The following RBFOX1 variants were observed in gnomAD, a reference collection of about 807,000 sequenced individuals.
RBFOX1 encodes the protein RNA binding fox-1 homolog 1.
In RBFOX1, 8 loss-of-function variants were observed where a neutral mutation model predicts 57.7. That is an observed-to-expected ratio of 0.14 (90% CI 0.08 to 0.25). The LOEUF (loss-of-function observed/expected upper bound fraction) is 0.25, where lower values mean the gene tolerates loss of function less well. Ranked by LOEUF, RBFOX1 falls within the 10% of genes least tolerant of loss-of-function variation. The pLI is 1.00. For synonymous variants in RBFOX1, 326 were observed against 222.4 expected, an observed-to-expected ratio of 1.47 and a Z score of -4.15; for missense variants, 611 against 548.5, an observed-to-expected ratio of 1.11 and a Z score of -1.14.
intron 2 of RBFOX1, among the ~76,000 whole-genome samples, chr16:5,472,116 G>A (rs1333710116): frequency 1.3e-5 from 2 of 152,040 alleles, no homozygotes; most frequent in African/African-American, 2.4e-5. Context: ...CAGAAAACGG[G>A]GTGAGAATCT....
intron 3 of RBFOX1, among the ~76,000 whole-genome samples, chr16:6,767,947 T>TAATAAAGAAGAAG (rs1410744665): frequency 9.9e-6 from 1 of 101,048 alleles, no homozygotes; most frequent in African/African-American, 4.3e-5. Flanking sequence ...ATAATAATAA[T>TAATAAAGAAGAAG]AAGAAGAAGA....
chr16:5,961,747 C>G (rs1039971917), intron 4 of RBFOX1, among the ~76,000 whole-genome samples: 2 of 152,114 alleles, frequency 1.3e-5, no homozygotes, highest in African/African-American at 4.8e-5. Flanking sequence ...AGGCTGGTCT[C>G]AAACTCCCGG....
At chr16:7,107,732 G>C (rs918961658) in intron 4 of RBFOX1, among the ~76,000 whole-genome samples, 1 of 152,052 alleles carries the variant, frequency 6.6e-6, no homozygotes, top group Non-Finnish European at 1.5e-5. Context: ...TCATAGAGGA[G>C]GTGGAGTTAC....
intron 1 of RBFOX1, among the ~76,000 whole-genome samples, chr16:6,024,360 C>T (rs2095144744): frequency 6.6e-6 from 1 of 152,028 alleles, no homozygotes; most frequent in Admixed American, 6.6e-5. Flanking sequence ...AAAAGGGTTC[C>T]AAAAATTATA....
Position 5,323,822 on chromosome 16 carries a change from A to C in RBFOX1, c.219+83717A>C, listed in dbSNP as rs542245399. 2.6e-5 allele frequency among the ~76,000 whole-genome samples: 4 copies of C among 152,352 alleles called. No individual in the cohort carries two copies. The South Asian group carries it at 6.2e-4, about 24-fold the overall frequency. On this transcript the variant is annotated intron_variant, in intron 1 of 2. Transcript: ENST00000585867. ...TGCCCATCACCAGGGTTCTGTGCCA[A>C]CTGGCTGAGTGTCCCTGTAACATAG...
At chr16:7,207,096 C>A (rs536235911) in intron 4 of RBFOX1, among the ~76,000 whole-genome samples, 15 of 152,178 alleles carry the variant, frequency 9.9e-5, no homozygotes, top group Non-Finnish European at 2.2e-4. Flanking sequence ...CAGTTGGTAA[C>A]TGAGGCTTCA....
chr16:5,554,456 C>G (rs1023135230), intron 2 of RBFOX1, among the ~76,000 whole-genome samples: 1 of 152,008 alleles, frequency 6.6e-6, no homozygotes, highest in African/African-American at 2.4e-5. Context: ...TAAAAAGTAT[C>G]TAAGAGTAAA....
intron 2 of RBFOX1, among the ~76,000 whole-genome samples, chr16:6,641,778 A>AGG (rs1568006199): frequency 3.1e-5 from 1 of 31,786 alleles, no homozygotes; most frequent in Non-Finnish European, 5.8e-5. Context: ...AAAAAAAAAA[A>AGG]TAGGTTCTGC....
intron 11 of RBFOX1, among the ~76,000 whole-genome samples, chr16:7,638,686 C>G (rs1050806264): frequency 2.0e-5 from 3 of 152,234 alleles, no homozygotes; most frequent in Admixed American, 1.3e-4. Flanking sequence ...CGACTCAACT[C>G]TTGTTATAGC....
chr16:6,491,333 C>G (rs953287588), intron 2 of RBFOX1, among the ~76,000 whole-genome samples: 1 of 151,916 alleles, frequency 6.6e-6, no homozygotes, highest in Admixed American at 6.6e-5. Flanking sequence ...TAAGGTGAGC[C>G]TCCTTTTAGA....
At chr16:5,408,429 A>C (rs1021839846) in intron 1 of RBFOX1, among the ~76,000 whole-genome samples, 2 of 152,138 alleles carry the variant, frequency 1.3e-5, no homozygotes, top group Non-Finnish European at 2.9e-5. Flanking sequence ...ATAGAGTCTG[A>C]GCTATTCAGA....
chr16:5,662,120 C>T (rs1212571460), intron 3 of RBFOX1, among the ~76,000 whole-genome samples: 1 of 152,080 alleles, frequency 6.6e-6, no homozygotes, highest in Non-Finnish European at 1.5e-5. Context: ...AAAGTTTGGA[C>T]CCTTTGACAA....
At chr16:6,294,311 T>G (rs2077825846) in intron 1 of RBFOX1, among the ~76,000 whole-genome samples, 2 of 152,214 alleles carry the variant, frequency 1.3e-5, no homozygotes, top group African/African-American at 4.8e-5. Context: ...CTTGTAAGCT[T>G]ATTAGACTTG....
chr16:7,603,458 A>C (rs1037327783), intron 9 of RBFOX1, among the ~76,000 whole-genome samples: 2 of 152,212 alleles, frequency 1.3e-5, no homozygotes, highest in Admixed American at 6.5e-5. Context: ...CTAAATCCAG[A>C]TAGCATTAAC....
chr16:7,091,802 C>T (rs140747366), intron 4 of RBFOX1, among the ~76,000 whole-genome samples: 2 of 152,256 alleles, frequency 1.3e-5, no homozygotes, highest in East Asian at 1.9e-4. Context: ...TCTAGAGCTT[C>T]GTTATTAACT....
intron 3 of RBFOX1, among the ~76,000 whole-genome samples, chr16:6,914,144 G>A (rs980712790): frequency 2.0e-5 from 3 of 152,272 alleles, no homozygotes; most frequent in East Asian, 3.9e-4. Context: ...AAGGAAATAC[G>A]AACATAATGA....
chr16:6,461,231 C>A (rs187806775), intron 2 of RBFOX1, among the ~76,000 whole-genome samples: 16 of 152,214 alleles, frequency 1.1e-4, no homozygotes, highest in Middle Eastern at 6.8e-3. Flanking sequence ...TGCACCCACA[C>A]ATCCTGCACA....
intron 5 of RBFOX1, among the ~76,000 whole-genome samples, chr16:7,549,318 A>T (rs1292404485): frequency 2.0e-5 from 3 of 152,216 alleles, no homozygotes; most frequent in Non-Finnish European, 4.4e-5. Flanking sequence ...AAATGAGGTT[A>T]TAAAGGTAGG....
At chr16:6,779,119 A>G (rs1319352511) in intron 3 of RBFOX1, among the ~76,000 whole-genome samples, 1 of 151,884 alleles carries the variant, frequency 6.6e-6, no homozygotes, top group African/African-American at 2.4e-5. Flanking sequence ...TCTTTTATCT[A>G]ATTGTATTTT....
Sources: allele counts gnomAD v4.1 joint callset (sites outside exome capture counted in the v4.1 genomes callset), GRCh38; gene constraint gnomAD v4.1.1; transcripts MANE v1.5; gene names NCBI Gene and HGNC (gene_info 2026-07-23, HGNC 2026-07-21).